Variants in STARD13 observed in about 807,000 individuals in gnomAD.
The protein encoded by STARD13 is stAR-related lipid transfer protein 13.
A neutral mutation model predicts 106.4 loss-of-function variants in STARD13; 62 were observed. That is an observed-to-expected ratio of 0.58 (90% confidence interval 0.48 to 0.72). The LOEUF is 0.72. Among genes scored for constraint, STARD13 ranks in the 30% least tolerant of loss-of-function variants. The probability of loss-of-function intolerance (pLI) is 0.00; values close to 1 mark genes in which losing one functional copy is unlikely to be tolerated. For missense variants in STARD13, 1,387 were observed against 1,424.0 expected (o/e 0.97, Z 0.42); for synonymous variants, 565 against 553.0 (o/e 1.02, Z -0.31).
chr13:33,568,913 G>T, the STARD13 span, among the ~76,000 whole-genome samples: 1 of 147,918 alleles, frequency 6.8e-6, no homozygotes, highest in Non-Finnish European at 1.5e-5. Flanking sequence ...CTAGACAATT[G>T]AGTTCTCCTA....
the STARD13 span, chr13:33,656,753 G>T: frequency 6.6e-6 from 1 of 152,304 alleles, no homozygotes; most frequent in Middle Eastern, 3.4e-3. Flanking sequence ...CTTCTAATGC[G>T]AAGAGAATAC....
the STARD13 span, among the ~76,000 whole-genome samples, chr13:33,368,665 C>T: frequency 2.0e-5 from 3 of 152,094 alleles, no homozygotes; most frequent in South Asian, 2.1e-4. Context: ...AAAGGGCCTG[C>T]GCTGTGAAGG....
chr13:33,172,015 CA>C lies in STARD13; in HGVS notation c.170-4394del, dbSNP rs575399931. Among the ~76,000 whole-genome samples, 550 of 152,290 alleles carry C rather than the reference CA, an allele frequency of 3.6e-3. 4 individuals carry two copies. Among genetic ancestry groups the C allele is most frequent in the South Asian group, 0.012 (60 of 4,810 alleles). On this transcript the variant is annotated intron_variant, in intron 1 of 13. Transcript: ENST00000336934. Reference sequence around the variant, plus strand: ...TGGCCGATGTGGGTTTTCACATGAACATATTATCATGTTTCTTAATTATACA... The same window carrying C: ...TGGCCGATGTGGGTTTTCACATGAACTATTATCATGTTTCTTAATTATACA...
chr13:33,458,244 T>C, the STARD13 span, among the ~76,000 whole-genome samples: 1 of 151,698 alleles, frequency 6.6e-6, no homozygotes, highest in Non-Finnish European at 1.5e-5. Context: ...AAAGTTGAAA[T>C]ATATAGGTTT....
chr13:33,335,456 A>G (rs1179597408), intron 1 of STARD13, among the ~76,000 whole-genome samples: 3 of 152,154 alleles, frequency 2.0e-5, no homozygotes, highest in Non-Finnish European at 4.4e-5. Flanking sequence ...TAAGTGCTAG[A>G]CTGTGATTAG....
At chr13:33,480,923 A>AT in the STARD13 span, among the ~76,000 whole-genome samples, 3 of 152,098 alleles carry the variant, frequency 2.0e-5, no homozygotes, top group African/African-American at 4.8e-5. Flanking sequence ...GGGTCATGTA[A>AT]TTTTTTATTA....
At chr13:33,123,054 T>TAA (rs1344379964) in intron 7 of STARD13, among the ~76,000 whole-genome samples, 1 of 10,462 alleles carries the variant, frequency 9.6e-5, no homozygotes. Context: ...AGACTCCATC[T>TAA]CAAAAAAAAA....
rs1890948315 is a variant in STARD13, at chr13:33,267,396, C to T, written c.169+18074G>A. 2.6e-5 allele frequency among the ~76,000 whole-genome samples: 4 copies of T among 152,314 alleles called. No homozygotes were observed. In the South Asian group the frequency reaches 8.3e-4, roughly 32 times the overall value. ...ATAAACCTTAAAACAACAACAACAACAACAACCCAACAGCTATCATGAGAA... is the reference window on the plus strand; with the variant it reads ...ATAAACCTTAAAACAACAACAACAATAACAACCCAACAGCTATCATGAGAA... On this transcript the variant is annotated intron_variant, in intron 1 of 13. Transcript: ENST00000336934.
At chr13:33,550,016 ATTC>A in the STARD13 span, among the ~76,000 whole-genome samples, 3 of 152,262 alleles carry the variant, frequency 2.0e-5, 1 homozygote, top group South Asian at 4.1e-4. Flanking sequence ...TTTTATATTT[ATTC>A]TTTATTGATC....
At chr13:33,412,517 A>G in the STARD13 span, among the ~76,000 whole-genome samples, 2 of 152,218 alleles carry the variant, frequency 1.3e-5, no homozygotes, top group African/African-American at 2.4e-5. Context: ...TATACTAATT[A>G]AAGACAAAAA....
chr13:33,556,592 T>C, the STARD13 span, among the ~76,000 whole-genome samples: 1 of 152,184 alleles, frequency 6.6e-6, no homozygotes, highest in African/African-American at 2.4e-5. Context: ...TTTTCCTTAC[T>C]CCTACTTTTC....
chr13:33,427,347 T>TA, the STARD13 span, among the ~76,000 whole-genome samples: 29 of 152,290 alleles, frequency 1.9e-4, no homozygotes, highest in Admixed American at 1.2e-3. Flanking sequence ...ATATAAAACA[T>TA]AAAAATAATA....
the STARD13 span, among the ~76,000 whole-genome samples, chr13:33,442,497 T>C: frequency 6.6e-6 from 1 of 152,180 alleles, no homozygotes; most frequent in Admixed American, 6.5e-5. Context: ...TTGTCCTAAA[T>C]GTAGAATATT....
At chr13:33,241,709 T>G (rs964170843) in intron 1 of STARD13, among the ~76,000 whole-genome samples, 4 of 151,862 alleles carry the variant, frequency 2.6e-5, no homozygotes. Flanking sequence ...CCTGACTGGT[T>G]TTCGTATTTT....
At chr13:33,492,303 C>T in the STARD13 span, among the ~76,000 whole-genome samples, 1 of 152,174 alleles carries the variant, frequency 6.6e-6, no homozygotes, top group Non-Finnish European at 1.5e-5. Flanking sequence ...TCTACCAGAT[C>T]TAGGTACTTC....
chr13:33,598,732 T>C, the STARD13 span, among the ~76,000 whole-genome samples: 1 of 152,262 alleles, frequency 6.6e-6, no homozygotes, highest in Non-Finnish European at 1.5e-5. Context: ...CTAACTTCAC[T>C]TGAAATGCAA....
intron 1 of STARD13, among the ~76,000 whole-genome samples, chr13:33,221,235 C>T (rs1422899379): frequency 6.6e-6 from 1 of 152,186 alleles, no homozygotes; most frequent in Non-Finnish European, 1.5e-5. Flanking sequence ...TGAACAACAA[C>T]TCCCCCTTTC....
intron 4 of STARD13, among the ~76,000 whole-genome samples, chr13:33,131,482 T>G (rs1878285992): frequency 6.6e-6 from 1 of 151,434 alleles, no homozygotes; most frequent in African/African-American, 2.4e-5. Flanking sequence ...GCCTCCACTC[T>G]CAGTTGTTAC....
chr13:33,166,993 C>CAAAAAAAAA (rs376027158), intron 2 of STARD13, among the ~76,000 whole-genome samples: 1 of 103,466 alleles, frequency 9.7e-6, no homozygotes, highest in African/African-American at 3.7e-5. Context: ...GACTCTATCT[C>CAAAAAAAAA]AAAAAAAAAC....
Sources: gnomAD v4.1 joint callset for allele counts (sites outside exome capture counted in the v4.1 genomes callset) on GRCh38, gnomAD v4.1.1 for gene constraint, MANE v1.5 for transcripts, NCBI Gene and HGNC (gene_info 2026-07-23, HGNC 2026-07-21) for gene names.